Variants in CLCN2 observed in about 807,000 individuals in gnomAD.
The protein encoded by CLCN2 is chloride channel protein 2.
Under a neutral mutation model 108.3 loss-of-function variants are expected in CLCN2, and 72 were observed. The ratio of observed to expected loss-of-function variants is 0.66; its 90% CI spans 0.55 to 0.81. The LOEUF is 0.81. Ranked by LOEUF, CLCN2 falls within the 30% of genes least tolerant of loss-of-function variation. The pLI, the probability that CLCN2 is intolerant of heterozygous loss-of-function variation, is 0.00. For synonymous variants in CLCN2, 471 were observed against 467.1 expected (o/e 1.01, Z -0.11); for missense variants, 1,048 against 1,205.2 (o/e 0.87, Z 1.93).
chr3:184,349,771 G>A (rs2108557676), intron 22 of CLCN2, among the ~76,000 whole-genome samples: 1 of 152,336 alleles, frequency 6.6e-6, no homozygotes, highest in East Asian at 1.9e-4. Flanking sequence ...GAGAGGCTAA[G>A]AAACTTACCA....
Position 184,354,460 on chromosome 3 carries a change from G to A in CLCN2, c.1507+88C>T, listed in dbSNP as rs143377912. 511 of 1,344,166 alleles carry A rather than the reference G, an allele frequency of 3.8e-4. 3 individuals are homozygous for A. The African/African-American group carries it at 6.9e-3, about 18-fold the overall frequency. 83.3% of individuals were successfully genotyped at this position (1,344,166 alleles called of 1,614,324 possible). The stretch of plus-strand genomic sequence containing the variant: ...TGCATCTGAGGGAAGCCTGGTTTCT[G>A]CCAGCAGGGGGCACCAGAGTCTCGG... On this transcript the variant is annotated intron_variant, in intron 14 of 23. Transcript: ENST00000265593.
rs772324822 is a variant in CLCN2, at chr3:184,354,332, C to G, written c.1508-18G>C. ...AGCTGCCCCTGGGGACAGTCACACT[C>G]AGTCTCCTCAGGGTGCCCAGGTCCC... On this transcript the variant is annotated intron_variant, in intron 14 of 23. Coordinates refer to ENST00000265593, the MANE Select transcript of CLCN2 (RefSeq NM_004366.6). The G allele has an allele frequency of 1.2e-6, 2 of 1,611,026 alleles. No individual in the cohort carries two copies. The highest frequency in any genetic ancestry group is 1.7e-5 in the Admixed American group (1 of 59,960).
In CLCN2 at chr3:184,352,051, C is replaced by T. The variant is rs777327929; in HGVS notation, c.2377G>A (p.Ala793Thr). 5 of 1,613,772 alleles carry T rather than the reference C, an allele frequency of 3.1e-6. No homozygotes were observed. Among genetic ancestry groups the T allele is most frequent in the African/African-American group, 2.7e-5 (2 of 74,852 alleles). The change falls in exon 22 of 24, where the codon GCT (alanine) becomes ACT (threonine). Residue 793 changes from alanine (A) to threonine (T), a missense_variant. Transcript: ENST00000265593. ...GTCCGCTCCACCAGCTGGAAGGGAG[C>T]AGGATCAATTTTGCAGTCACTGAAG... is the stretch of plus-strand genomic sequence containing the variant. ...VNFSDCKIDP[A>T]PFQLVERTSL...
chr3:184,358,476 G>A, intron 3 of CLCN2, 166 bp from the exon 4 acceptor site: 1 of 1,138,110 alleles, frequency 8.8e-7, no homozygotes, highest in Non-Finnish European at 1.3e-6. Flanking sequence ...GCGCAATCTA[G>A]GCAAGAGGAT....
At position 184,346,891 on chromosome 3, in the gene CLCN2, A is replaced by G. The variant is rs1456084663; in HGVS notation, c.2502+44T>C. The G allele has an allele frequency of 1.9e-6, 3 of 1,610,930 alleles. No individual in the cohort carries two copies. Among genetic ancestry groups the G allele is most frequent in the Non-Finnish European group, 2.5e-6 (3 of 1,177,096 alleles). ...GGTGAGCTGGACATAAGCCTCCATG[A>G]CTTTTTGGAAGTGGAGCAGCTTTGG... On this transcript the variant is annotated intron_variant, in intron 23 of 23. Coordinates refer to ENST00000265593, the MANE Select transcript of CLCN2 (RefSeq NM_004366.6). The surrounding 1 kb of genome is among the most constrained non-coding windows in gnomAD (Gnocchi z 6.0).
intron 10 of CLCN2, chr3:184,356,639 C>CAA (rs555983047): frequency 5.1e-3 from 582 of 115,008 alleles, no homozygotes; most frequent in South Asian, 0.01. Context: ...AACTCCGTCT[C>CAA]AAAAAAAAAA....
chr3:184,354,558 G>A lies in CLCN2; in HGVS notation c.1497C>T (p.Tyr499=), dbSNP rs749631843. The A allele has an allele frequency of 4.3e-6, 7 of 1,612,808 alleles. No homozygotes were observed. In the South Asian group the frequency reaches 4.4e-5, roughly 10 times the overall value. Residue 499 remains tyrosine, a synonymous_variant, in exon 14 of 24, where the codon TAC becomes TAT. Coordinates refer to ENST00000265593, the MANE Select transcript of CLCN2 (RefSeq NM_004366.6). ...SSTYRIVPGG[Y]AVVGAAALAG... The stretch of plus-strand genomic sequence containing the variant: ...ACCTGAGGCACTCACCGACCACAGC[G>A]TAGCCCCCAGGCACAATCCGGTAGG...
Position 184,352,424 on chromosome 3 carries a change from G to A in CLCN2, c.2271+19C>T, listed in dbSNP as rs1173898926. On this transcript the variant is annotated intron_variant, in intron 20 of 23. Coordinates refer to ENST00000265593, the MANE Select transcript of CLCN2 (RefSeq NM_004366.6). ...CCTGCCCGGTGCCGCCGAGATGCTA[G>A]AAGAGCAGGCATACTTACTGCCAGG... 1.9e-6 allele frequency: 3 copies of A among 1,613,208 alleles called. No individual in the cohort carries two copies. Among genetic ancestry groups the A allele is most frequent in the Non-Finnish European group, 2.5e-6 (3 of 1,179,802 alleles).
intron 14 of CLCN2, 112 bp downstream of exon 14, chr3:184,354,436 G>T: frequency 7.7e-7 from 1 of 1,304,212 alleles, no homozygotes; most frequent in South Asian, 1.2e-5. Flanking sequence ...TTGGACCTGT[G>T]CATCTGAGGG....
In CLCN2 at chr3:184,354,230, AT is replaced by A; in HGVS notation, c.1591del (p.Ile531SerfsTer5). 6.2e-7 allele frequency: 1 copy of A among 1,613,136 alleles called. No homozygotes were observed. Among genetic ancestry groups the A allele is most frequent in the Non-Finnish European group, 8.5e-7 (1 of 1,179,904 alleles). ...GATGACGGCGATCATGACAGGCAGG[AT>A]GTGGGCAATCTGGCCTGTGAGCTCG... ...VFELTGQIAH[I>X]LPVMIAVILA... On this transcript the variant is annotated frameshift_variant, in exon 15 of 24. Transcript: ENST00000265593. LOFTEE classifies it high-confidence loss of function.
At chr3:184,350,192 C>T (rs1727989998) in intron 22 of CLCN2, among the ~76,000 whole-genome samples, 1 of 152,094 alleles carries the variant, frequency 6.6e-6, no homozygotes, top group African/African-American at 2.4e-5. Flanking sequence ...CATCATGGAA[C>T]CCATTGGAGG....
In CLCN2 at chr3:184,355,422, T is replaced by C; in HGVS notation, c.1278A>G (p.Pro426=). 1 of 1,613,978 alleles carries C rather than the reference T, an allele frequency of 6.2e-7. No individual in the cohort carries two copies. Among genetic ancestry groups the C allele is most frequent in the Non-Finnish European group, 8.5e-7 (1 of 1,180,016 alleles). ...GGGTGAGGAAGACGTTGGCACGTGG[T>C]GGGTTCCAGGCCTGTGAGGTGCTGG... ...EPPSTSQAWN[P]PRANVFLTLV... Residue 426 remains proline (P), a synonymous_variant, in exon 12 of 24, where the codon CCA becomes CCG. Transcript: ENST00000265593. This position sits in a 1 kb window ranked among gnomAD's most constrained non-coding sequence, Gnocchi z 6.3.
chr3:184,349,502 G>A (rs1255857656), intron 22 of CLCN2: 3 of 152,226 alleles, frequency 2.0e-5, no homozygotes, highest in Non-Finnish European at 4.4e-5. Flanking sequence ...GAACTCCTGG[G>A]CTCGTGCAGT....
At chr3:184,354,374 C>T in intron 14 of CLCN2, 60 bp from the exon 15 acceptor site, 1 of 1,553,012 alleles carries the variant, frequency 6.4e-7, no homozygotes, top group East Asian at 2.3e-5. Flanking sequence ...CCCTCCACAA[C>T]CAGGGCAGGT....
chr3:184,353,113 C>CG lies in CLCN2; in HGVS notation c.2062dup (p.Arg688ProfsTer48). 6.2e-7 allele frequency: 1 copy of CG among 1,614,152 alleles called. No homozygotes were observed. ...CTTTAGGGGCTTGTGGGTCTCCCCCCGGGCTGCTGGGAAGGCTGAGTCTTC... is the reference window on the plus strand; with the variant it reads ...CTTTAGGGGCTTGTGGGTCTCCCCCCGGGGCTGCTGGGAAGGCTGAGTCTTC... On this transcript the variant is annotated frameshift_variant, in exon 18 of 24. Transcript: ENST00000265593. LOFTEE classifies it high-confidence loss of function.
Position 184,361,593 on chromosome 3 carries a change from G to A in CLCN2, c.-114C>T, listed in dbSNP as rs1203027820. The A allele has an allele frequency of 6.2e-6, 7 of 1,122,254 alleles. No individual in the cohort carries two copies. The highest frequency in any genetic ancestry group is 8.6e-6 in the Non-Finnish European group (7 of 811,322). 69.5% of individuals were successfully genotyped at this position (1,122,254 alleles called of 1,614,324 possible). A position where few individuals can be genotyped will look rare whatever the true frequency, so the allele number is the denominator to read the frequency against. On this transcript the variant is annotated 5_prime_UTR_variant, in exon 1 of 24. Transcript: ENST00000265593. This position sits in a 1 kb window ranked among gnomAD's most constrained non-coding sequence, Gnocchi z 6.6. ...TCCCGTCCCCGCAGCCCGGGAGGCC[G>A]AGAGCAGAGTGCGGCGGGCCCCCGG... is the stretch of plus-strand genomic sequence containing the variant.
Position 184,354,539 on chromosome 3 carries a change from G to A in CLCN2, c.1507+9C>T, listed in dbSNP as rs768971952. On this transcript the variant is annotated intron_variant, in intron 14 of 23. Coordinates refer to ENST00000265593, the MANE Select transcript of CLCN2 (RefSeq NM_004366.6). ...GTCTCCCAAGGCCGATGGGACCTGA[G>A]GCACTCACCGACCACAGCGTAGCCC... 2 of 1,608,550 alleles carry A rather than the reference G, an allele frequency of 1.2e-6. No individual in the cohort carries two copies. Among genetic ancestry groups the A allele is most frequent in the South Asian group, 1.1e-5 (1 of 91,020 alleles).
In CLCN2 at chr3:184,359,090, T is replaced by C. The variant is rs1711650420; in HGVS notation, c.105A>G (p.Lys35=). Residue 35 remains lysine, a synonymous_variant, in exon 2 of 24, where the codon AAA becomes AAG. Coordinates refer to ENST00000265593, the MANE Select transcript of CLCN2 (RefSeq NM_004366.6). ...CCAGGCGAATCCGAGCAGCTTCCTCTTTGGCAAAGGCCCCAAGGTCCTGAG... is the reference window on the plus strand; with the variant it reads ...CCAGGCGAATCCGAGCAGCTTCCTCCTTGGCAAAGGCCCCAAGGTCCTGAG... ...RYTQDLGAFA[K]EEAARIRLGG... is the part of the protein sequence containing the mutation. 1.2e-6 allele frequency: 2 copies of C among 1,613,758 alleles called. No individual in the cohort carries two copies.
chr3:184,355,420 G>C lies in CLCN2; in HGVS notation c.1280C>G (p.Pro427Arg). 1.1e-5 allele frequency: 17 copies of C among 1,613,996 alleles called. No homozygotes were observed. The highest frequency in any genetic ancestry group is 1.4e-5 in the Non-Finnish European group (17 of 1,180,002). Residue 427 changes from proline to arginine, a missense_variant, in exon 12 of 24, where the codon CCA becomes CGA. By Grantham distance (103) the Pro-to-Arg change is moderately radical. Coordinates refer to ENST00000265593, the MANE Select transcript of CLCN2 (RefSeq NM_004366.6). This position sits in a 1 kb window ranked among gnomAD's most constrained non-coding sequence, Gnocchi z 6.3. The part of the protein sequence containing the change: ...PPSTSQAWNP[P>R]RANVFLTLVI... Reference sequence around the variant, plus strand: ...CAGGGTGAGGAAGACGTTGGCACGTGGTGGGTTCCAGGCCTGTGAGGTGCT... The same window carrying C: ...CAGGGTGAGGAAGACGTTGGCACGTCGTGGGTTCCAGGCCTGTGAGGTGCT...
Sources: allele counts gnomAD v4.1 joint callset (sites outside exome capture counted in the v4.1 genomes callset), GRCh38; gene constraint gnomAD v4.1.1; non-coding constraint Gnocchi (gnomAD v3.1); transcripts MANE v1.5; gene names NCBI Gene and HGNC (gene_info 2026-07-23, HGNC 2026-07-21).